The following ADGRL2 variants were observed in gnomAD, a reference collection of about 807,000 sequenced individuals.
ADGRL2 encodes the protein adhesion G protein-coupled receptor L2.
In ADGRL2, 44 loss-of-function variants were observed where a neutral mutation model predicts 157.4. The observed-to-expected ratio is 0.28, with a 90% CI of 0.22 to 0.36. The LOEUF is 0.36. Among genes scored for constraint, ADGRL2 ranks in the 10% least tolerant of loss-of-function variants. The pLI, the probability that ADGRL2 is intolerant of heterozygous loss-of-function variation, is 1.00. For synonymous variants in ADGRL2, 585 were observed against 624.7 expected, an observed-to-expected ratio of 0.94 and a Z score of 0.95; for missense variants, 1,510 against 1,768.9, an observed-to-expected ratio of 0.85 and a Z score of 2.63.
In ADGRL2 at chr1:81,895,618, C is replaced by T. The variant is rs1394715138; in HGVS notation, c.74-11399C>T. Among the ~76,000 whole-genome samples the T allele has an allele frequency of 2.6e-5, 4 of 152,070 alleles. No individual in the cohort carries two copies. In the East Asian group the frequency reaches 7.7e-4, roughly 29 times the overall value. On this transcript the variant is annotated intron_variant, in intron 2 of 23. Coordinates refer to ENST00000686636, the MANE Select transcript of ADGRL2 (RefSeq NM_001366006.2). ...CCATGTTGGCCAGGCTGGTCTCAAA[C>T]TCCTGACCTCAGGTGATCCACCTGC...
intron 3 of ADGRL2, among the ~76,000 whole-genome samples, chr1:81,639,888 G>A (rs1009600385): frequency 6.6e-6 from 1 of 152,054 alleles, no homozygotes; most frequent in Admixed American, 6.5e-5. Context: ...AACTAAATAA[G>A]GAGGAATCTG....
At chr1:81,793,718 C>T (rs556551340) in intron 2 of ADGRL2, among the ~76,000 whole-genome samples, 28 of 151,372 alleles carry the variant, frequency 1.8e-4, no homozygotes, top group African/African-American at 4.6e-4. Flanking sequence ...AGCAAATAGG[C>T]GAGCATTATC....
Position 81,456,358 on chromosome 1 carries a change from A to G in ADGRL2, c.-248+11269A>G, listed in dbSNP as rs145462377. Among the ~76,000 whole-genome samples the G allele has an allele frequency of 3.4e-4, 51 of 152,228 alleles. 1 individual carries two copies. Among genetic ancestry groups the G allele is most frequent in the African/African-American group, 1.2e-3 (48 of 41,538 alleles). On this transcript the variant is annotated intron_variant, in intron 2 of 24. Coordinates refer to the ADGRL2 transcript ENST00000370721. Reference sequence around the variant, plus strand: ...CTCAGCCTTCTGAGTAGCTGGGACTATAAGTGTGTGCCACCATATCCAGCT... The same window carrying G: ...CTCAGCCTTCTGAGTAGCTGGGACTGTAAGTGTGTGCCACCATATCCAGCT...
chr1:81,560,343 A>T (rs1299294653), intron 2 of ADGRL2, among the ~76,000 whole-genome samples: 1 of 152,160 alleles, frequency 6.6e-6, no homozygotes, highest in African/African-American at 2.4e-5. Flanking sequence ...TCTCTGCTTC[A>T]TTCTCCTCAT....
At chr1:81,837,710 A>G (rs1482862555) in intron 2 of ADGRL2, among the ~76,000 whole-genome samples, 1 of 152,000 alleles carries the variant, frequency 6.6e-6, no homozygotes, top group Non-Finnish European at 1.5e-5. Flanking sequence ...AGAAATAAAT[A>G]TACTTTTGAA....
chr1:81,954,346 G>A (rs922268666), intron 10 of ADGRL2, among the ~76,000 whole-genome samples: 1 of 152,020 alleles, frequency 6.6e-6, no homozygotes, highest in African/African-American at 2.4e-5. Context: ...CATGCCATTA[G>A]CAAGTTATGT....
In ADGRL2 at chr1:81,609,037, A is replaced by G. The variant is rs527277558; in HGVS notation, c.-143+28057A>G. On this transcript the variant is annotated intron_variant, in intron 3 of 24. Coordinates refer to the ADGRL2 transcript ENST00000370721. ...AAATAAGTAAGCAAATACATGTACAAGTGATTTTTTTTTTTTTTTGAGGCA... is the reference window on the plus strand; with the variant it reads ...AAATAAGTAAGCAAATACATGTACAGGTGATTTTTTTTTTTTTTTGAGGCA... Among the ~76,000 whole-genome samples, 102 of 134,628 alleles carry G rather than the reference A, an allele frequency of 7.6e-4. 1 individual carries two copies. The highest frequency in any genetic ancestry group is 2.7e-3 in the African/African-American group (93 of 34,374). The allele number at this position is 134,628 out of a possible 152,430, so 88.3% of individuals were successfully genotyped here.
intron 1 of ADGRL2, among the ~76,000 whole-genome samples, chr1:81,399,666 T>C (rs1287557804): frequency 6.6e-6 from 1 of 152,198 alleles, no homozygotes; most frequent in Non-Finnish European, 1.5e-5. Flanking sequence ...GCTACATTTC[T>C]TGTTCATACT....
intron 2 of ADGRL2, among the ~76,000 whole-genome samples, chr1:81,889,858 T>C (rs2151397407): frequency 6.6e-6 from 1 of 152,228 alleles, no homozygotes; most frequent in Admixed American, 6.5e-5. Context: ...CCTTGGGCCA[T>C]TAGGAATTAT....
chr1:81,814,396 T>A (rs1388100718), intron 1 of ADGRL2, among the ~76,000 whole-genome samples: 1 of 151,414 alleles, frequency 6.6e-6, no homozygotes, highest in Non-Finnish European at 1.5e-5. Context: ...AGAGGGTAGA[T>A]TTGAAATAAT....
intron 17 of ADGRL2, among the ~76,000 whole-genome samples, chr1:81,976,413 A>T (rs1347912955): frequency 6.6e-6 from 1 of 151,932 alleles, no homozygotes; most frequent in Non-Finnish European, 1.5e-5. Flanking sequence ...ATTTCTTTAC[A>T]TCTAGATATT....
chr1:81,887,417 T>C (rs2094150772), intron 2 of ADGRL2, among the ~76,000 whole-genome samples: 1 of 152,210 alleles, frequency 6.6e-6, no homozygotes, highest in Admixed American at 6.5e-5. Flanking sequence ...AGCACAGTAT[T>C]TAGTGGGTTA....
At chr1:81,378,335 G>A (rs2076286608) in intron 1 of ADGRL2, among the ~76,000 whole-genome samples, 1 of 152,028 alleles carries the variant, frequency 6.6e-6, no homozygotes, top group African/African-American at 2.4e-5. Flanking sequence ...AGGATGGCTT[G>A]AGCCCAGGAG....
chr1:81,373,831 C>T (rs1363201259), intron 1 of ADGRL2, among the ~76,000 whole-genome samples: 1 of 152,050 alleles, frequency 6.6e-6, no homozygotes, highest in Non-Finnish European at 1.5e-5. Flanking sequence ...TGATTCAAAA[C>T]CGGGAAAAAA....
chr1:81,666,070 G>A (rs1311157595), intron 3 of ADGRL2, among the ~76,000 whole-genome samples: 1 of 152,136 alleles, frequency 6.6e-6, no homozygotes, highest in Non-Finnish European at 1.5e-5. Flanking sequence ...GCACAATCCA[G>A]TAAAGCTCCT....
At chr1:81,527,200 C>A (rs2079480145) in intron 2 of ADGRL2, among the ~76,000 whole-genome samples, 1 of 152,158 alleles carries the variant, frequency 6.6e-6, no homozygotes, top group Non-Finnish European at 1.5e-5. Context: ...AAAAACAATG[C>A]AGATCATTTC....
intron 1 of ADGRL2, among the ~76,000 whole-genome samples, chr1:81,361,245 C>A (rs1048307793): frequency 4.0e-5 from 6 of 151,868 alleles, no homozygotes; most frequent in Non-Finnish European, 8.8e-5. Context: ...CTCTAAGCTG[C>A]CATTTTGGAG....
intron 2 of ADGRL2, among the ~76,000 whole-genome samples, chr1:81,861,792 C>T (rs142269452): frequency 1.3e-5 from 2 of 151,968 alleles, no homozygotes; most frequent in East Asian, 3.9e-4. Flanking sequence ...GAGGCTGAGG[C>T]AGGAGAATTG....
chr1:81,570,857 C>T (rs1277949046), intron 2 of ADGRL2, among the ~76,000 whole-genome samples: 5 of 152,076 alleles, frequency 3.3e-5, no homozygotes, highest in Non-Finnish European at 7.4e-5. Flanking sequence ...ACTGTGTAGG[C>T]AAGACATTCA....
Sources: allele counts gnomAD v4.1 joint callset (sites outside exome capture counted in the v4.1 genomes callset), GRCh38; gene constraint gnomAD v4.1.1; transcripts MANE v1.5; gene names NCBI Gene and HGNC (gene_info 2026-07-23, HGNC 2026-07-21).